Variants in ZNF562 observed in about 807,000 individuals in gnomAD.
ZNF562 encodes the protein zinc finger protein 562.
In ZNF562, 13 loss-of-function variants were observed where a neutral mutation model predicts 17.5. That is an observed-to-expected ratio of 0.74 (90% CI 0.48 to 1.18). The LOEUF (loss-of-function observed/expected upper bound fraction) is 1.18. ZNF562 is among the 50% of genes most tolerant of loss of function. ZNF562 has a pLI of 0.00. For synonymous variants in ZNF562, 163 were observed against 165.4 expected (o/e 0.99, Z 0.11); for missense variants, 481 against 498.5 (o/e 0.96, Z 0.33).
intron 1 of ZNF562, among the ~76,000 whole-genome samples, chr19:9,669,524 A>C (rs1461762524): frequency 6.6e-6 from 1 of 152,146 alleles, no homozygotes. Flanking sequence ...AAATTAGTAC[A>C]GCCACTGTAG....
At chr19:9,662,249 T>C (rs2043779402) in intron 1 of ZNF562, among the ~76,000 whole-genome samples, 1 of 152,160 alleles carries the variant, frequency 6.6e-6, no homozygotes. Context: ...CTTCATTGTG[T>C]ACCTAAGATG....
At position 9,649,406 on chromosome 19, in the gene ZNF562, C is replaced by A. The variant is rs569773691; in HGVS notation, c.*3543G>T. 1.3e-5 allele frequency: 2 copies of A among 152,274 alleles called. 1 individual carries two copies. The highest frequency in any genetic ancestry group is 4.1e-4 in the South Asian group (2 of 4,820). The allele number at this position is 152,274 out of a possible 1,614,324, so 9.4% of individuals were successfully genotyped here. On this transcript the variant is annotated 3_prime_UTR_variant, in exon 6 of 6. Transcript: ENST00000453372. The stretch of plus-strand genomic sequence containing the variant: ...AAGAGAGATAACCTTAAATTCTGAC[C>A]GCCGGTGAGCCAGGTGGAACAAAGC...
chr19:9,658,418 C>T (rs867427298), intron 3 of ZNF562: 21 of 844,550 alleles, frequency 2.5e-5, no homozygotes, highest in Admixed American at 6.2e-5. Flanking sequence ...GGCACGATCT[C>T]GGCTCACTGC....
At chr19:9,664,378 T>C (rs1249969643) in intron 1 of ZNF562, among the ~76,000 whole-genome samples, 1 of 152,222 alleles carries the variant, frequency 6.6e-6, no homozygotes, top group Non-Finnish European at 1.5e-5. Flanking sequence ...TAAAGTTTAA[T>C]TTTCCCCAAG....
In ZNF562 at chr19:9,646,311, T is replaced by TTG. The variant is rs2074806159; in HGVS notation, c.*6637_*6638insCA. 6.6e-6 allele frequency: 1 copy of TTG among 152,054 alleles called. No homozygotes were observed. Among genetic ancestry groups the TTG allele is most frequent in the Non-Finnish European group, 1.5e-5 (1 of 68,042 alleles). The allele number at this position is 152,054 out of a possible 1,614,324, so 9.4% of individuals were successfully genotyped here. On this transcript the variant is annotated 3_prime_UTR_variant, in exon 6 of 6. Transcript: ENST00000453372. Reference sequence around the variant, plus strand: ...GTCTCGAACTCCCGACCTCAGGTGATCACCTGCCTTGGCCTCCCAAAGTGC... The same window carrying TTG: ...GTCTCGAACTCCCGACCTCAGGTGATTGCACCTGCCTTGGCCTCCCAAAGTGC...
At chr19:9,655,730 T>C (rs1231032484) in intron 5 of ZNF562, among the ~76,000 whole-genome samples, 1 of 109,694 alleles carries the variant, frequency 9.1e-6, no homozygotes, top group South Asian at 3.1e-4. Flanking sequence ...TTTTTTTTTT[T>C]TTTTTTTTTT....
rs2074789331 is a variant in ZNF562, at chr19:9,643,858, G to C, written c.*9091C>G. 1 of 152,042 alleles carries C rather than the reference G, an allele frequency of 6.6e-6. No individual in the cohort carries two copies. Among genetic ancestry groups the C allele is most frequent in the Non-Finnish European group, 1.5e-5 (1 of 68,058 alleles). The allele number at this position is 152,042 out of a possible 1,614,324, so 9.4% of individuals were successfully genotyped here. A position where few individuals can be genotyped will look rare whatever the true frequency, so the allele number is the denominator to read the frequency against. On this transcript the variant is annotated 3_prime_UTR_variant, in exon 6 of 6. Transcript: ENST00000453372. ...TTGTTTTTTGAGACAGTCTTACTCT[G>C]TATCCCAGGCTGGAGTGCAGTGGTG... is the stretch of plus-strand genomic sequence containing the variant.
chr19:9,653,492 G>C lies in ZNF562; in HGVS notation c.738C>G (p.His246Gln). 1 of 1,614,166 alleles carries C rather than the reference G, an allele frequency of 6.2e-7. No individual in the cohort carries two copies. Among genetic ancestry groups the C allele is most frequent in the Non-Finnish European group, 8.5e-7 (1 of 1,180,032 alleles). ...ECERAITTSS[H>Q]LKQCVAVHTG... ...TATGAACTGCTACACACTGCTTTAA[G>C]TGTGAGGAAGTTGTGATGGCTCTCT... The change falls in exon 6 of 6, where the codon CAC becomes CAG. Residue 246 changes from histidine (H) to glutamine (Q), a missense_variant. His to Gln is a conservative substitution (Grantham distance 24). This residue lies in a region of ZNF562 where 403 missense variants were observed against 386.4 expected (regional missense o/e 1.04). Coordinates refer to ENST00000453372, the MANE Select transcript of ZNF562 (RefSeq NM_001130031.2).
In ZNF562 at chr19:9,659,500, G is replaced by A. The variant is rs1481325604; in HGVS notation, c.26-33C>T. The A allele has an allele frequency of 6.5e-6, 10 of 1,546,190 alleles. No individual in the cohort carries two copies. The East Asian group carries it at 7.3e-5, about 11-fold the overall frequency. On this transcript the variant is annotated intron_variant, in intron 2 of 5. Transcript: ENST00000453372. The stretch of plus-strand genomic sequence containing the variant: ...AAAAGTAAGAAGGCATGAGAAGCCA[G>A]AGCTGCCCACATTCTTATGCCCAGA...
rs1485971427 is a variant in ZNF562 at position 9,644,028 on chromosome 19, T to C, written c.*8921A>G. 7 of 151,872 alleles carry C rather than the reference T, an allele frequency of 4.6e-5. No homozygotes were observed. The highest frequency in any genetic ancestry group is 4.6e-4 in the Admixed American group (7 of 15,224). 9.4% of individuals were successfully genotyped at this position (151,872 alleles called of 1,614,324 possible). On this transcript the variant is annotated 3_prime_UTR_variant, in exon 6 of 6. Coordinates refer to ENST00000453372, the MANE Select transcript of ZNF562 (RefSeq NM_001130031.2). ...AGCCAGGATCATCTCAATCTGACCT[T>C]GTGATCCACCTGCCTCAGCCTCCCA...
At chr19:9,656,433 TG>T in intron 5 of ZNF562, 113 bp downstream of exon 5, 1 of 1,125,564 alleles carries the variant, frequency 8.9e-7, no homozygotes, top group Non-Finnish European at 1.3e-6. Context: ...CGCTTGAACC[TG>T]GGAGTTGGAG....
At chr19:9,654,883 C>G (rs1182028003) in intron 5 of ZNF562, among the ~76,000 whole-genome samples, 1 of 152,136 alleles carries the variant, frequency 6.6e-6, no homozygotes, top group Non-Finnish European at 1.5e-5. Context: ...CTTTGATAAC[C>G]ATAATTTTTA....
At chr19:9,673,230 C>T (rs562976983) in intron 1 of ZNF562, among the ~76,000 whole-genome samples, 12 of 152,206 alleles carry the variant, frequency 7.9e-5, no homozygotes, top group South Asian at 2.1e-4. Context: ...CCCTAACCCA[C>T]GGGGGAGAGA....
At chr19:9,658,713 T>A (rs969435099) in intron 3 of ZNF562, among the ~76,000 whole-genome samples, 9 of 152,100 alleles carry the variant, frequency 5.9e-5, no homozygotes, top group African/African-American at 1.2e-4. Context: ...TTTAATTTTT[T>A]AATTTTTTTT....
chr19:9,659,405 C>T lies in ZNF562; in HGVS notation c.88G>A (p.Glu30Lys), dbSNP rs1289069688. The T allele has an allele frequency of 1.3e-6, 2 of 1,551,474 alleles. No homozygotes were observed. Among genetic ancestry groups the T allele is most frequent in the Admixed American group, 3.9e-5 (2 of 50,980 alleles). The part of the protein sequence containing the change: ...EEKTKIGTMV[E>K]DHRSNSYQDS... ...TGGTAAGAATTTGACCGGTGGTCCT[C>T]TACCATCGTTCCTATCTTTGTCTTT... The change falls in exon 3 of 6, where the codon GAG becomes AAG. Residue 30 changes from glutamate to lysine, a missense_variant. This residue lies in a region of ZNF562 where 403 missense variants were observed against 386.4 expected (regional missense o/e 1.04). Coordinates refer to ENST00000453372, the MANE Select transcript of ZNF562 (RefSeq NM_001130031.2).
chr19:9,672,846 C>A (rs557064131), intron 1 of ZNF562, among the ~76,000 whole-genome samples: 23 of 143,174 alleles, frequency 1.6e-4, no homozygotes, highest in Non-Finnish European at 3.3e-4. Context: ...GTGGCGGGAT[C>A]TCGGCTCAAT....
intron 1 of ZNF562, among the ~76,000 whole-genome samples, chr19:9,668,100 G>A (rs7259075): frequency 0.11 from 16,197 of 152,096 alleles, 1,240 homozygotes; most frequent in African/African-American, 0.2. Context: ...CCAGCACCAG[G>A]CATGATGACT....
At chr19:9,663,176 C>T (rs1007148407) in intron 1 of ZNF562, among the ~76,000 whole-genome samples, 12 of 149,062 alleles carry the variant, frequency 8.1e-5, no homozygotes, top group African/African-American at 1.2e-4. Flanking sequence ...GAGGCCGAGG[C>T]GGGTGGGTCA....
At position 9,642,778 on chromosome 19, in the gene ZNF562, A is replaced by C. The variant is rs867475617; in HGVS notation, c.*10171T>G. The C allele has an allele frequency of 1.3e-5, 2 of 151,840 alleles. No individual in the cohort carries two copies. Among genetic ancestry groups the C allele is most frequent in the African/African-American group, 4.8e-5 (2 of 41,306 alleles). 9.4% of individuals were successfully genotyped at this position (151,840 alleles called of 1,614,324 possible). On this transcript the variant is annotated 3_prime_UTR_variant, in exon 6 of 6. Coordinates refer to ENST00000453372, the MANE Select transcript of ZNF562 (RefSeq NM_001130031.2). Reference sequence around the variant, plus strand: ...CACAGTGGCTCAACCCTGTCATCCTAGCATTTTGGGAGGCTGATGCAGAAG... The same window carrying C: ...CACAGTGGCTCAACCCTGTCATCCTCGCATTTTGGGAGGCTGATGCAGAAG...
Sources: allele counts gnomAD v4.1 joint callset (sites outside exome capture counted in the v4.1 genomes callset), GRCh38; gene constraint gnomAD v4.1.1; regional missense constraint gnomAD v4.1.1; transcripts MANE v1.5; gene names NCBI Gene and HGNC (gene_info 2026-07-23, HGNC 2026-07-21).